LRRTM4: variants seen among roughly 807,000 people sequenced by gnomAD.
LRRTM4 encodes leucine rich repeat transmembrane neuronal 4, also known as leucine-rich repeat transmembrane neuronal protein 4.
LRRTM4 carries 25 observed loss-of-function variants against 47.6 expected under a neutral mutation model. That is an observed-to-expected ratio of 0.53 (90% CI 0.38 to 0.73). The LOEUF is 0.73. Among genes scored for constraint, LRRTM4 ranks in the 30% least tolerant of loss-of-function variants. LRRTM4 has a pLI of 0.00. For synonymous variants in LRRTM4, 311 were observed against 269.5 expected, an observed-to-expected ratio of 1.15 and a Z score of -1.51; for missense variants, 638 against 713.4, an observed-to-expected ratio of 0.89 and a Z score of 1.20.
chr2:77,502,385 T>C (rs1678602346), intron 3 of LRRTM4, among the ~76,000 whole-genome samples: 1 of 151,484 alleles, frequency 6.6e-6, no homozygotes, highest in South Asian at 2.1e-4. Context: ...AAAAAATTTA[T>C]ATTAAAAAAC....
intron 3 of LRRTM4, among the ~76,000 whole-genome samples, chr2:77,171,009 A>G (rs1273207164): frequency 6.6e-6 from 1 of 151,214 alleles, no homozygotes; most frequent in Non-Finnish European, 1.5e-5. Flanking sequence ...ATGTATATAT[A>G]TTATATGCAT....
chr2:77,024,850 G>C (rs1336360250), intron 3 of LRRTM4, among the ~76,000 whole-genome samples: 1 of 152,068 alleles, frequency 6.6e-6, no homozygotes, highest in African/African-American at 2.4e-5. Context: ...TGTCTGGAAA[G>C]CCAATAAGGA....
At chr2:77,140,300 G>A (rs1271920164) in intron 3 of LRRTM4, among the ~76,000 whole-genome samples, 1 of 152,154 alleles carries the variant, frequency 6.6e-6, no homozygotes, top group Non-Finnish European at 1.5e-5. Flanking sequence ...GAACAGAACA[G>A]AGCCTTCAGA....
intron 3 of LRRTM4, among the ~76,000 whole-genome samples, chr2:77,324,085 C>G (rs1294726284): frequency 6.6e-6 from 1 of 152,116 alleles, no homozygotes; most frequent in Non-Finnish European, 1.5e-5. Flanking sequence ...TACCTCCAAA[C>G]AGACCTAAAT....
At chr2:77,065,252 C>T (rs929049395) in intron 3 of LRRTM4, among the ~76,000 whole-genome samples, 3 of 152,078 alleles carry the variant, frequency 2.0e-5, no homozygotes, top group African/African-American at 7.2e-5. Flanking sequence ...ATTTGCTGGA[C>T]TCTTGAGCCA....
chr2:76,925,070 C>T (rs1414669451), intron 3 of LRRTM4, among the ~76,000 whole-genome samples: 1 of 151,984 alleles, frequency 6.6e-6, no homozygotes, highest in Non-Finnish European at 1.5e-5. Flanking sequence ...GATCATAATA[C>T]ATTGTATGGC....
At chr2:76,882,900 T>C (rs948850473) in intron 3 of LRRTM4, among the ~76,000 whole-genome samples, 1 of 152,122 alleles carries the variant, frequency 6.6e-6, no homozygotes, top group Non-Finnish European at 1.5e-5. Context: ...ACTGTCATCC[T>C]AGTTTCAGCC....
At chr2:76,858,370 C>A (rs1250223328) in intron 3 of LRRTM4, among the ~76,000 whole-genome samples, 2 of 152,180 alleles carry the variant, frequency 1.3e-5, no homozygotes, top group African/African-American at 2.4e-5. Context: ...TGAAGTCAAA[C>A]AGAAACATTA....
At chr2:76,909,031 G>T (rs1004826541) in intron 3 of LRRTM4, among the ~76,000 whole-genome samples, 1 of 152,002 alleles carries the variant, frequency 6.6e-6, no homozygotes, top group Non-Finnish European at 1.5e-5. Flanking sequence ...AGCCCTCATC[G>T]CCAAGTCAAT....
At position 76,779,870 on chromosome 2, in the gene LRRTM4, A is replaced by C. The variant is rs1341951225; in HGVS notation, c.1552-30954T>G. ...TCTTCCTAGTCTTGATGGTCTTTAC[A>C]TTTTGGCATGATTTTGCAGCGGCTG... On this transcript the variant is annotated intron_variant, in intron 3 of 3. Transcript: ENST00000409884. Among the ~76,000 whole-genome samples, 5 of 151,934 alleles carry C rather than the reference A, an allele frequency of 3.3e-5. No homozygotes were observed. In the South Asian group the frequency reaches 6.2e-4, roughly 19 times the overall value.
chr2:76,885,171 C>G (rs1573255578), intron 3 of LRRTM4, among the ~76,000 whole-genome samples: 1 of 151,720 alleles, frequency 6.6e-6, no homozygotes, highest in Admixed American at 6.6e-5. Flanking sequence ...TTTTAAAAAC[C>G]ACTCTAACTT....
intron 3 of LRRTM4, among the ~76,000 whole-genome samples, chr2:77,222,202 A>G (rs1674656696): frequency 6.6e-6 from 1 of 152,232 alleles, no homozygotes; most frequent in Admixed American, 6.5e-5. Context: ...GACACATTCA[A>G]AGCAGTATGT....
chr2:77,234,521 A>G (rs911772218), intron 3 of LRRTM4, among the ~76,000 whole-genome samples: 2 of 152,326 alleles, frequency 1.3e-5, no homozygotes, highest in East Asian at 3.9e-4. Context: ...AAAATTGATT[A>G]TAATATATTT....
At chr2:77,036,968 T>C (rs537825120) in intron 3 of LRRTM4, among the ~76,000 whole-genome samples, 121 of 151,766 alleles carry the variant, frequency 8.0e-4, no homozygotes, top group African/African-American at 2.7e-3. Flanking sequence ...TCCATAGAAA[T>C]TGGAGATGAC....
At chr2:77,020,624 G>C (rs568998366) in intron 3 of LRRTM4, among the ~76,000 whole-genome samples, 3 of 151,842 alleles carry the variant, frequency 2.0e-5, no homozygotes, top group Non-Finnish European at 4.4e-5. Flanking sequence ...GTAACATAAC[G>C]AACAAAAAGC....
intron 3 of LRRTM4, among the ~76,000 whole-genome samples, chr2:76,786,609 T>G (rs973817204): frequency 1.3e-5 from 2 of 152,096 alleles, no homozygotes; most frequent in African/African-American, 4.8e-5. Context: ...AAAACAAAGC[T>G]AAGAGCAGAG....
In LRRTM4 at chr2:76,892,481, A is replaced by AC. The variant is rs1424917921; in HGVS notation, c.1552-143566_1552-143565insG. Reference sequence around the variant, plus strand: ...CTGGAACAGATTTTGGGAAGAACAAATAGGCCCATAAGGCATAGTTTCTCC... The same window carrying AC: ...CTGGAACAGATTTTGGGAAGAACAAACTAGGCCCATAAGGCATAGTTTCTCC... On this transcript the variant is annotated intron_variant, in intron 3 of 3. Coordinates refer to ENST00000409884, the MANE Select transcript of LRRTM4 (RefSeq NM_001134745.3). Among the ~76,000 whole-genome samples, 7 of 151,858 alleles carry AC rather than the reference A, an allele frequency of 4.6e-5. No homozygotes were observed. The East Asian group carries it at 9.7e-4, about 21-fold the overall frequency.
At position 76,945,059 on chromosome 2, in the gene LRRTM4, G is replaced by C. The variant is rs148958340; in HGVS notation, c.1552-196143C>G. On this transcript the variant is annotated intron_variant, in intron 3 of 3. Transcript: ENST00000409884. ...CTGAGGATTCAAAAACTTTAATTCA[G>C]CTTTAGGACAGGTATGTGTTTTTTG... is the stretch of plus-strand genomic sequence containing the variant. 1.1e-3 allele frequency among the ~76,000 whole-genome samples: 173 copies of C among 152,086 alleles called. 1 individual carries two copies. The highest frequency in any genetic ancestry group is 3.9e-3 in the African/African-American group (162 of 41,526).
chr2:77,447,474 C>T (rs938388810), intron 3 of LRRTM4, among the ~76,000 whole-genome samples: 12 of 152,126 alleles, frequency 7.9e-5, no homozygotes, highest in Non-Finnish European at 1.2e-4. Context: ...TGAGGTATCT[C>T]AATTCACCAT....
Sources: gnomAD v4.1 joint callset for allele counts (sites outside exome capture counted in the v4.1 genomes callset) on GRCh38, gnomAD v4.1.1 for gene constraint, MANE v1.5 for transcripts, NCBI Gene and HGNC (gene_info 2026-07-23, HGNC 2026-07-21) for gene names.